Variants in KIF13A observed in about 807,000 individuals in gnomAD.
KIF13A encodes the protein kinesin-like protein KIF13A.
Under a neutral mutation model 212.2 loss-of-function variants are expected in KIF13A, and 79 were observed. That is an observed-to-expected ratio of 0.37 (90% CI 0.31 to 0.45). The LOEUF (loss-of-function observed/expected upper bound fraction) is 0.45, where lower values mean the gene tolerates loss of function less well. Ranked by LOEUF, KIF13A falls within the 20% of genes least tolerant of loss-of-function variation. KIF13A has a pLI of 1.00. For missense variants in KIF13A, 1,901 were observed against 2,209.0 expected, an observed-to-expected ratio of 0.86 and a Z score of 2.79; for synonymous variants, 789 against 808.6, an observed-to-expected ratio of 0.98 and a Z score of 0.41.
At chr6:17,959,685 T>C (rs565378534) in intron 2 of KIF13A, among the ~76,000 whole-genome samples, 2 of 152,184 alleles carry the variant, frequency 1.3e-5, no homozygotes, top group Admixed American at 6.5e-5. Flanking sequence ...AAAATAAACA[T>C]GAAAGTCAGG....
intron 3 of KIF13A, chr6:17,882,104 G>C (rs1562092457): frequency 2.2e-6 from 1 of 456,672 alleles, no homozygotes; most frequent in Admixed American, 2.3e-5. Context: ...ATAAAAACGA[G>C]ATGTGAAGGT....
rs1213846387 is a variant in KIF13A at position 17,961,951 on chromosome 6, T to C, written c.146+25103A>G. ...ACATTTGACAATCAAGGTTTAATAG[T>C]TCAACGGGCAATGGTTTTTCTTTTG... On this transcript the variant is annotated intron_variant, in intron 2 of 38. Transcript: ENST00000259711. The surrounding 1 kb of genome is among the most constrained non-coding windows in gnomAD (Gnocchi z 4.1). Among the ~76,000 whole-genome samples, 1 of 152,212 alleles carries C rather than the reference T, an allele frequency of 6.6e-6. No individual in the cohort carries two copies. Among genetic ancestry groups the C allele is most frequent in the Non-Finnish European group, 1.5e-5 (1 of 68,044 alleles).
At chr6:17,879,284 A>G (rs1770849159) in intron 3 of KIF13A, among the ~76,000 whole-genome samples, 1 of 152,088 alleles carries the variant, frequency 6.6e-6, no homozygotes, top group Non-Finnish European at 1.5e-5. Context: ...TGTTCCATGC[A>G]CCCCATAGTG....
chr6:17,941,785 T>TA (rs1262205791), intron 2 of KIF13A, among the ~76,000 whole-genome samples: 2 of 151,230 alleles, frequency 1.3e-5, no homozygotes, highest in Non-Finnish European at 2.9e-5. Flanking sequence ...TACCAATACA[T>TA]TTGCTTTTTT....
chr6:17,923,795 G>A (rs1231048641), intron 2 of KIF13A, among the ~76,000 whole-genome samples: 1 of 152,170 alleles, frequency 6.6e-6, no homozygotes, highest in Non-Finnish European at 1.5e-5. Flanking sequence ...ACCAGTGTCT[G>A]AGCTAAGAAT....
chr6:17,782,297 G>A (rs756470017), intron 29 of KIF13A, among the ~76,000 whole-genome samples: 6 of 152,050 alleles, frequency 3.9e-5, no homozygotes, highest in Non-Finnish European at 7.4e-5. Flanking sequence ...CCTATAAGAT[G>A]GAATGAATAT....
chr6:17,851,112 A>C (rs2150399877), intron 7 of KIF13A, among the ~76,000 whole-genome samples: 1 of 152,340 alleles, frequency 6.6e-6, no homozygotes, highest in Admixed American at 6.5e-5. Flanking sequence ...CACTGAGCTA[A>C]GAACCAGGGA....
In KIF13A at chr6:17,789,342, C is replaced by A. The variant is rs182398320; in HGVS notation, c.3261+530G>T. Among the ~76,000 whole-genome samples, 2 of 152,076 alleles carry A rather than the reference C, an allele frequency of 1.3e-5. No homozygotes were observed. Among genetic ancestry groups the A allele is most frequent in the African/African-American group, 4.8e-5 (2 of 41,404 alleles). The stretch of plus-strand genomic sequence containing the variant: ...GCTGGCTAAACAAAACACAATTATG[C>A]GCATAAAATGTCTCCAATTTTCCTA... On this transcript the variant is annotated intron_variant, in intron 26 of 38. Coordinates refer to ENST00000259711, the MANE Select transcript of KIF13A (RefSeq NM_022113.6). The surrounding 1 kb of genome is among the most constrained non-coding windows in gnomAD (Gnocchi z 4.8).
chr6:17,904,606 A>T (rs1773331641), intron 2 of KIF13A, among the ~76,000 whole-genome samples: 1 of 151,812 alleles, frequency 6.6e-6, no homozygotes, highest in African/African-American at 2.4e-5. Flanking sequence ...ACTAAAATAA[A>T]GGAGGATAAA....
In KIF13A at chr6:17,987,195, GC is replaced by G; in HGVS notation, c.56-52del. On this transcript the variant is annotated intron_variant, in intron 1 of 38. Coordinates refer to ENST00000259711, the MANE Select transcript of KIF13A (RefSeq NM_022113.6). The surrounding 1 kb of genome is among the most constrained non-coding windows in gnomAD (Gnocchi z 7.7). Reference sequence around the variant, plus strand: ...GCAAAGTCCAGCATCCGCGCCTCCAGCCCGCCCGCCCGCCAGCCGCGCCGAG... The same window carrying G: ...GCAAAGTCCAGCATCCGCGCCTCCAGCCGCCCGCCCGCCAGCCGCGCCGAG... The G allele has an allele frequency of 7.3e-7, 1 of 1,363,592 alleles. No individual in the cohort carries two copies. The highest frequency in any genetic ancestry group is 1.0e-6 in the Non-Finnish European group (1 of 991,314). The allele number at this position is 1,363,592 out of a possible 1,614,324, so 84.5% of individuals were successfully genotyped here. A position where few individuals can be genotyped will look rare whatever the true frequency, so the allele number is the denominator to read the frequency against.
intron 4 of KIF13A, among the ~76,000 whole-genome samples, chr6:17,870,136 C>T (rs1769868746): frequency 6.6e-6 from 1 of 151,988 alleles, no homozygotes; most frequent in South Asian, 2.1e-4. Flanking sequence ...TGAATTTTAC[C>T]TTTTGCTAAG....
intron 2 of KIF13A, among the ~76,000 whole-genome samples, chr6:17,970,214 G>A (rs576872659): frequency 6.6e-5 from 10 of 151,896 alleles, no homozygotes; most frequent in South Asian, 6.3e-4. Context: ...GAGCCACCGC[G>A]CCCGGCCGTG....
At chr6:17,790,410 A>G (rs761540018) in intron 25 of KIF13A, among the ~76,000 whole-genome samples, 5 of 152,176 alleles carry the variant, frequency 3.3e-5, no homozygotes, top group Non-Finnish European at 7.3e-5. Flanking sequence ...GTCTCCAAAA[A>G]CATAAAATAA....
intron 2 of KIF13A, among the ~76,000 whole-genome samples, chr6:17,904,940 A>G (rs572222913): frequency 2.6e-5 from 4 of 152,362 alleles, no homozygotes; most frequent in Admixed American, 2.6e-4. Flanking sequence ...GCCTAAGGAC[A>G]TATTCCTTAT....
chr6:17,852,450 C>T (rs1370995738), intron 6 of KIF13A, among the ~76,000 whole-genome samples: 1 of 152,188 alleles, frequency 6.6e-6, no homozygotes, highest in African/African-American at 2.4e-5. Flanking sequence ...GACAGGGTCT[C>T]ACTCTGTCGC....
Position 17,779,098 on chromosome 6 carries a change from G to T in KIF13A, c.3941C>A (p.Ala1314Glu). Residue 1314 changes from alanine (A) to glutamate (E), a missense_variant and splice_region_variant, in exon 33 of 39, where the codon GCA becomes GAA. Coordinates refer to ENST00000259711, the MANE Select transcript of KIF13A (RefSeq NM_022113.6). ...TTCCCGGTCCTCTATCTCCTCAGTT[G>T]CCTACGAGGACAGGAAGGAAGTGAC... ...TYEIVSNIPK[A>E]TEEIEDRETL... is the part of the protein sequence containing the mutation. 1.9e-6 allele frequency: 3 copies of T among 1,613,398 alleles called. No individual in the cohort carries two copies. The highest frequency in any genetic ancestry group is 2.5e-6 in the Non-Finnish European group (3 of 1,179,644).
intron 38 of KIF13A, chr6:17,770,425 G>T (rs1298625676): frequency 7.1e-6 from 1 of 140,144 alleles, no homozygotes; most frequent in Non-Finnish European, 1.5e-5. Context: ...TGCCTGGTAT[G>T]CAGTGTTTTT....
chr6:17,887,959 G>A (rs2150464016), intron 3 of KIF13A, among the ~76,000 whole-genome samples: 1 of 151,460 alleles, frequency 6.6e-6, no homozygotes, highest in South Asian at 2.1e-4. Context: ...GTCTGCCTCA[G>A]CCTCCCAAAG....
intron 19 of KIF13A, among the ~76,000 whole-genome samples, chr6:17,805,224 T>G (rs1440492768): frequency 6.6e-6 from 1 of 152,222 alleles, no homozygotes; most frequent in African/African-American, 2.4e-5. Context: ...TGAAGCCAAA[T>G]AAGAATCTAC....
Sources: gnomAD v4.1 joint callset for allele counts (sites outside exome capture counted in the v4.1 genomes callset) on GRCh38, gnomAD v4.1.1 for gene constraint, Gnocchi (gnomAD v3.1) non-coding constraint, MANE v1.5 for transcripts, NCBI Gene and HGNC (gene_info 2026-07-23, HGNC 2026-07-21) for gene names.